Variants in LIN28A observed in about 807,000 individuals in gnomAD.
LIN28A encodes lin-28 RNA binding posttranscriptional regulator A, also known as protein lin-28 homolog A.
Under a neutral mutation model 21.1 loss-of-function variants are expected in LIN28A, and 11 were observed. The ratio of observed to expected loss-of-function variants is 0.52; its 90% CI spans 0.33 to 0.86. The LOEUF is 0.86. LIN28A is among the 40% of genes least tolerant of loss of function. LIN28A has a pLI of 0.03. For missense variants in LIN28A, 219 were observed against 279.8 expected (o/e 0.78, Z 1.55); for synonymous variants, 111 against 108.7 (o/e 1.02, Z -0.13).
At chr1:26,419,043 C>T (rs1356006416) in intron 2 of LIN28A, among the ~76,000 whole-genome samples, 1 of 151,882 alleles carries the variant, frequency 6.6e-6, no homozygotes, top group Non-Finnish European at 1.5e-5. Flanking sequence ...GGAGCTCAGG[C>T]CATGCCCCTC....
rs1330363638 is a variant in LIN28A, at chr1:26,426,939, A to T, written c.*481A>T. On this transcript the variant is annotated 3_prime_UTR_variant, in exon 4 of 4. Coordinates refer to ENST00000326279, the MANE Select transcript of LIN28A (RefSeq NM_024674.6). ...TTGTATCCTCATACCCACTTTTGGG[A>T]TAGGGTGCTGGCAGCTGTCCCAAGC... The T allele has an allele frequency of 1.2e-5, 2 of 171,998 alleles. No homozygotes were observed. The highest frequency in any genetic ancestry group is 2.5e-5 in the Non-Finnish European group (2 of 79,434). 10.7% of individuals were successfully genotyped at this position (171,998 alleles called of 1,614,324 possible).
chr1:26,425,155 A>T, intron 2 of LIN28A, 148 bp from the exon 3 acceptor site: 2 of 719,336 alleles, frequency 2.8e-6, no homozygotes, highest in Non-Finnish European at 4.6e-6. Flanking sequence ...GTTGTTCTTA[A>T]TCGTAGTGAC....
At chr1:26,419,056 C>T (rs757758136) in intron 2 of LIN28A, among the ~76,000 whole-genome samples, 1 of 151,922 alleles carries the variant, frequency 6.6e-6, no homozygotes, top group Non-Finnish European at 1.5e-5. Context: ...TGCCCCTCCC[C>T]CTAAGGTCTT....
intron 2 of LIN28A, among the ~76,000 whole-genome samples, chr1:26,412,879 A>G (rs1201880052): frequency 1.3e-5 from 2 of 152,102 alleles, no homozygotes; most frequent in Non-Finnish European, 2.9e-5. Context: ...TGTTGGGGCC[A>G]TGGGGTCAGT....
chr1:26,413,159 C>A (rs1389146388), intron 2 of LIN28A, among the ~76,000 whole-genome samples: 3 of 152,130 alleles, frequency 2.0e-5, no homozygotes, highest in African/African-American at 7.2e-5. Context: ...AAGCCTCCCC[C>A]ACTCTCCCAT....
intron 2 of LIN28A, among the ~76,000 whole-genome samples, chr1:26,415,766 C>A (rs774337460): frequency 1.2e-3 from 182 of 152,190 alleles, no homozygotes; most frequent in Non-Finnish European, 1.8e-3. Flanking sequence ...GATCACCACT[C>A]GGAGCCCAGA....
At chr1:26,412,586 T>A (rs1045875296) in intron 2 of LIN28A, among the ~76,000 whole-genome samples, 2 of 152,018 alleles carry the variant, frequency 1.3e-5, no homozygotes, top group Non-Finnish European at 2.9e-5. Context: ...GGACTGGATC[T>A]GGAAAGAAGA....
chr1:26,423,972 C>T (rs936661146), intron 2 of LIN28A, among the ~76,000 whole-genome samples: 4 of 151,400 alleles, frequency 2.6e-5, no homozygotes, highest in Non-Finnish European at 5.9e-5. Context: ...CCGTGTTAGC[C>T]AGGATGGTCT....
Position 26,425,500 on chromosome 1 carries a change from AG to A in LIN28A, c.413+15del, listed in dbSNP as rs1178148403. 6.2e-7 allele frequency: 1 copy of A among 1,612,968 alleles called. No individual in the cohort carries two copies. The highest frequency in any genetic ancestry group is 1.7e-5 in the Admixed American group (1 of 59,980). On this transcript the variant is annotated intron_variant, in intron 3 of 3. Coordinates refer to ENST00000326279, the MANE Select transcript of LIN28A (RefSeq NM_024674.6). ...CAAAAGGAGACAGGTATGGATTGGA[AG>A]GCAGCTTATATAGGTTGCTAAGGGC...
intron 3 of LIN28A, 68 bp from the exon 4 acceptor site, chr1:26,426,174 C>A: frequency 7.7e-7 from 1 of 1,306,534 alleles, no homozygotes; most frequent in South Asian, 1.2e-5. Context: ...CAGGTGTCCT[C>A]ATTCGTGGGA....
chr1:26,413,626 T>C (rs537537218), intron 2 of LIN28A, among the ~76,000 whole-genome samples: 3 of 152,196 alleles, frequency 2.0e-5, no homozygotes, highest in Non-Finnish European at 2.9e-5. Flanking sequence ...GTCTCTCTAA[T>C]CCCCAGCTCT....
intron 2 of LIN28A, among the ~76,000 whole-genome samples, chr1:26,418,470 C>T (rs1004658772): frequency 5.7e-4 from 87 of 151,420 alleles, no homozygotes; most frequent in African/African-American, 2.0e-3. Flanking sequence ...GGCGTGAACC[C>T]GGGAGGCGGA....
rs564027543 is a variant in LIN28A at position 26,427,329 on chromosome 1, G to T, written c.*871G>T. ...ACTTTTTGTTGTTTTTGCCACCGTG[G>T]AGAGCAACTATTTGGAGTGCACAGC... On this transcript the variant is annotated 3_prime_UTR_variant, in exon 4 of 4. Coordinates refer to ENST00000326279, the MANE Select transcript of LIN28A (RefSeq NM_024674.6). 4 of 152,778 alleles carry T rather than the reference G, an allele frequency of 2.6e-5. No homozygotes were observed. The highest frequency in any genetic ancestry group is 2.0e-4 in the Admixed American group (3 of 15,304). 9.5% of individuals were successfully genotyped at this position (152,778 alleles called of 1,614,324 possible).
chr1:26,421,814 G>T (rs1190840248), intron 2 of LIN28A, among the ~76,000 whole-genome samples: 2 of 151,848 alleles, frequency 1.3e-5, no homozygotes, highest in Non-Finnish European at 1.5e-5. Flanking sequence ...ACTTTAAAAA[G>T]GCTGCAAGAA....
chr1:26,425,483 G>A lies in LIN28A; in HGVS notation c.409G>A (p.Asp137Asn). The A allele has an allele frequency of 1.2e-6, 2 of 1,613,852 alleles. No individual in the cohort carries two copies. The highest frequency in any genetic ancestry group is 1.7e-6 in the Non-Finnish European group (2 of 1,179,854). Residue 137 changes from aspartate (D) to asparagine (N), a missense_variant, in exon 3 of 4, where the codon GAC becomes AAC. Transcript: ENST00000326279. Reference protein sequence around the residue: ...KSMQKRRSKGDRCYNCGGLDH... With the variant: ...KSMQKRRSKGNRCYNCGGLDH... ...CATGCAGAAGCGCAGATCAAAAGGAGACAGGTATGGATTGGAAGGCAGCTT... is the reference window on the plus strand; with the variant it reads ...CATGCAGAAGCGCAGATCAAAAGGAAACAGGTATGGATTGGAAGGCAGCTT...
intron 2 of LIN28A, among the ~76,000 whole-genome samples, chr1:26,416,664 C>T (rs983266735): frequency 1.3e-5 from 2 of 152,100 alleles, no homozygotes; most frequent in East Asian, 3.9e-4. Context: ...GTTGCCCAGG[C>T]TGGAGTGCAG....
rs776306293 is a variant in LIN28A at position 26,410,858 on chromosome 1, C to G, written c.-34C>G. ...TCTCCGGGGCCAGCAGCCGCCCGAC[C>G]AGGGGCCCGGGGCCACGGGCTCAGC... On this transcript the variant is annotated 5_prime_UTR_variant, in exon 1 of 4. Transcript: ENST00000326279. The G allele has an allele frequency of 6.2e-7, 1 of 1,611,510 alleles. No individual in the cohort carries two copies. The highest frequency in any genetic ancestry group is 1.7e-5 in the Admixed American group (1 of 59,572).
intron 2 of LIN28A, among the ~76,000 whole-genome samples, chr1:26,418,099 T>C (rs1361275893): frequency 2.6e-5 from 4 of 152,066 alleles, no homozygotes. Context: ...TCATTCTATC[T>C]CTAAGCTTGC....
At chr1:26,425,560 TC>T in intron 3 of LIN28A, 73 bp downstream of exon 3, 1 of 1,406,222 alleles carries the variant, frequency 7.1e-7, no homozygotes, top group Non-Finnish European at 9.9e-7. Context: ...ACTTTTTGGG[TC>T]ACACTGCAAA....
Sources: gnomAD v4.1 joint callset for allele counts (sites outside exome capture counted in the v4.1 genomes callset) on GRCh38, gnomAD v4.1.1 for gene constraint, MANE v1.5 for transcripts, NCBI Gene and HGNC (gene_info 2026-07-23, HGNC 2026-07-21) for gene names.